Variants in FMNL2 observed in about 807,000 individuals in gnomAD.
FMNL2 encodes the protein formin like 2, also known as formin-like protein 2.
In FMNL2, 51 loss-of-function variants were observed where a neutral mutation model predicts 130.2. The ratio of observed to expected loss-of-function variants is 0.39; its 90% CI spans 0.31 to 0.49. The LOEUF is 0.49. Ranked by LOEUF, FMNL2 falls within the 20% of genes least tolerant of loss-of-function variation. The pLI, the probability that FMNL2 is intolerant of heterozygous loss-of-function variation, is 0.85. For synonymous variants in FMNL2, 465 were observed against 467.1 expected (o/e 1.00, Z 0.06); for missense variants, 977 against 1,316.2 (o/e 0.74, Z 3.99).
At chr2:152,467,412 T>C (rs530116109) in intron 1 of FMNL2, among the ~76,000 whole-genome samples, 1 of 152,324 alleles carries the variant, frequency 6.6e-6, no homozygotes, top group African/African-American at 2.4e-5. Context: ...GAATCTTGCT[T>C]GTCCCGTTTG....
At chr2:152,488,045 G>A (rs942862631) in intron 1 of FMNL2, among the ~76,000 whole-genome samples, 1 of 152,184 alleles carries the variant, frequency 6.6e-6, no homozygotes, top group Non-Finnish European at 1.5e-5. Flanking sequence ...CTCTCAAAGT[G>A]CTGGGATTAC....
intron 1 of FMNL2, among the ~76,000 whole-genome samples, chr2:152,514,625 G>A (rs1197938826): frequency 6.6e-6 from 1 of 152,064 alleles, no homozygotes; most frequent in African/African-American, 2.4e-5. Flanking sequence ...ATATACTATT[G>A]TTTTTCCTAC....
chr2:152,433,275 C>G (rs1687590816), intron 1 of FMNL2, among the ~76,000 whole-genome samples: 1 of 152,186 alleles, frequency 6.6e-6, no homozygotes, highest in Non-Finnish European at 1.5e-5. Context: ...TTACAATTCA[C>G]TGCGTTTCAA....
intron 1 of FMNL2, among the ~76,000 whole-genome samples, chr2:152,430,888 T>C (rs1311784636): frequency 6.6e-6 from 1 of 151,912 alleles, no homozygotes; most frequent in Non-Finnish European, 1.5e-5. Context: ...TATATATATA[T>C]ATATGTTTAT....
At position 152,578,944 on chromosome 2, in the gene FMNL2, C is replaced by T. The variant is rs1473826415; in HGVS notation, c.762C>T (p.Ser254=). 6.2e-7 allele frequency: 1 copy of T among 1,613,366 alleles called. No individual in the cohort carries two copies. The highest frequency in any genetic ancestry group is 8.5e-7 in the Non-Finnish European group (1 of 1,179,550). ...HPHAVNEIAL[S]LNNKNPRTKA... ...ACGCTGTCAATGAGATTGCACTAAG[C>T]CTGAACAACAAGAATCCCAGGTAAG... The change falls in exon 8 of 26, where the codon AGC becomes AGT. Residue 254 remains serine (S), a synonymous_variant. Transcript: ENST00000288670.
intron 1 of FMNL2, among the ~76,000 whole-genome samples, chr2:152,408,807 G>T (rs4664580): frequency 2.6e-5 from 4 of 151,914 alleles, no homozygotes; most frequent in African/African-American, 9.7e-5. Flanking sequence ...TACTGAAATT[G>T]AAAAAACAGA....
chr2:152,610,671 C>T (rs146598733), intron 10 of FMNL2, among the ~76,000 whole-genome samples: 1 of 152,208 alleles, frequency 6.6e-6, no homozygotes, highest in African/African-American at 2.4e-5. Flanking sequence ...TTTGGATATA[C>T]CACATTTTGT....
chr2:152,560,644 T>A (rs1164624494), intron 5 of FMNL2, among the ~76,000 whole-genome samples: 1 of 152,216 alleles, frequency 6.6e-6, no homozygotes, highest in Non-Finnish European at 1.5e-5. Context: ...ACTATTTAAT[T>A]TTTGCTGCTC....
At position 152,648,155 on chromosome 2, in the gene FMNL2, AC is replaced by A; in HGVS notation, c.*252del. 1 of 425,972 alleles carries A rather than the reference AC, an allele frequency of 2.3e-6. No homozygotes were observed. The highest frequency in any genetic ancestry group is 4.2e-6 in the Non-Finnish European group (1 of 240,912). The allele number at this position is 425,972 out of a possible 1,614,324, so 26.4% of individuals were successfully genotyped here. A position where few individuals can be genotyped will look rare whatever the true frequency, so the allele number is the denominator to read the frequency against. On this transcript the variant is annotated 3_prime_UTR_variant, in exon 26 of 26. Transcript: ENST00000288670. ...TTGATTTGATTAGGTATCTTTTTAC[AC>A]CAGTATGTTATTTTTAACCAAAATG...
intron 1 of FMNL2, among the ~76,000 whole-genome samples, chr2:152,394,729 T>C (rs1219549819): frequency 6.6e-6 from 1 of 152,020 alleles, no homozygotes; most frequent in African/African-American, 2.4e-5. Flanking sequence ...GGGTTTTTTT[T>C]TTTTTTGGCC....
chr2:152,607,206 A>G, intron 9 of FMNL2, 133 bp from the exon 10 acceptor site: 1 of 707,612 alleles, frequency 1.4e-6, no homozygotes, highest in Non-Finnish European at 2.4e-6. Context: ...CTAGCTTAGA[A>G]GGGAAGTAAA....
chr2:152,367,742 T>A (rs60836723), intron 1 of FMNL2, among the ~76,000 whole-genome samples: 1 of 152,180 alleles, frequency 6.6e-6, no homozygotes. Flanking sequence ...TTCAGTGTTT[T>A]CTTGTGATTT....
chr2:152,495,588 T>C (rs770179190), intron 1 of FMNL2, among the ~76,000 whole-genome samples: 2 of 140,062 alleles, frequency 1.4e-5, no homozygotes, highest in Non-Finnish European at 3.0e-5. Flanking sequence ...GAGGCAGAGG[T>C]TGCAATGAGC....
chr2:152,390,386 T>G, intron 1 of FMNL2: 1 of 1,067,746 alleles, frequency 9.4e-7, no homozygotes, highest in South Asian at 1.3e-5. Context: ...AGAAGATCAA[T>G]AAGATGGAGT....
chr2:152,620,164 G>A (rs1273045703), intron 15 of FMNL2, among the ~76,000 whole-genome samples: 12 of 151,904 alleles, frequency 7.9e-5, no homozygotes, highest in Admixed American at 7.9e-4. Flanking sequence ...AGGGAAACAT[G>A]CTTTTATGTG....
intron 1 of FMNL2, 121 bp from the exon 2 acceptor site, chr2:152,521,822 A>G: frequency 1.3e-6 from 1 of 756,698 alleles, no homozygotes; most frequent in Non-Finnish European, 2.3e-6. Flanking sequence ...ATCAGATACT[A>G]GGAATTGAGA....
intron 2 of FMNL2, among the ~76,000 whole-genome samples, chr2:152,531,822 A>C (rs1009451665): frequency 1.3e-5 from 2 of 152,186 alleles, no homozygotes; most frequent in African/African-American, 2.4e-5. Flanking sequence ...TTTAAGATGT[A>C]GGTCTTCATG....
chr2:152,578,860 T>A, intron 7 of FMNL2, 28 bp from the exon 8 acceptor site: 1 of 1,589,884 alleles, frequency 6.3e-7, no homozygotes, highest in Non-Finnish European at 8.6e-7. Context: ...ATGCTTTGTG[T>A]TTCTTTTTTT....
At chr2:152,494,606 A>G (rs1203573685) in intron 1 of FMNL2, among the ~76,000 whole-genome samples, 3 of 152,226 alleles carry the variant, frequency 2.0e-5, no homozygotes, top group African/African-American at 7.2e-5. Context: ...ATTTGATTTG[A>G]GAATTGTCGT....
Sources: allele counts gnomAD v4.1 joint callset (sites outside exome capture counted in the v4.1 genomes callset), GRCh38; gene constraint gnomAD v4.1.1; transcripts MANE v1.5; gene names NCBI Gene and HGNC (gene_info 2026-07-23, HGNC 2026-07-21).